DNM2: variants seen among roughly 807,000 people sequenced by gnomAD.
The protein encoded by DNM2 is dynamin 2, also known as dynamin-2.
DNM2 carries 15 observed loss-of-function variants against 99.0 expected under a neutral mutation model. The observed-to-expected ratio is 0.15, with a 90% CI of 0.10 to 0.23. The LOEUF (loss-of-function observed/expected upper bound fraction) is 0.23. Among genes scored for constraint, DNM2 ranks in the 10% least tolerant of loss-of-function variants. The pLI is 1.00. For synonymous variants in DNM2, 525 were observed against 481.2 expected, an observed-to-expected ratio of 1.09 and a Z score of -1.19; for missense variants, 742 against 1,189.4, an observed-to-expected ratio of 0.62 and a Z score of 5.53.
At chr19:10,741,204 A>G (rs994691684) in intron 1 of DNM2, among the ~76,000 whole-genome samples, 1 of 152,092 alleles carries the variant, frequency 6.6e-6, no homozygotes, top group Non-Finnish European at 1.5e-5. Flanking sequence ...AAAGTGGGGT[A>G]TTGAAGTCTC....
chr19:10,814,021 G>A (rs540867006), intron 15 of DNM2, among the ~76,000 whole-genome samples: 2 of 152,218 alleles, frequency 1.3e-5, no homozygotes, highest in South Asian at 4.1e-4. Flanking sequence ...AATTAGCCAG[G>A]TGTGGTGGCG....
rs776361014 is a variant in DNM2, at chr19:10,830,368, G to C, written c.2533G>C (p.Gly845Arg). Residue 845 changes from glycine to arginine, a missense_variant, in exon 20 of 21, where the codon GGA becomes CGA. Gly to Arg is a moderately radical substitution (Grantham distance 125, BLOSUM62 -2). Transcript: ENST00000389253. This position sits in a 1 kb window ranked among gnomAD's most constrained non-coding sequence, Gnocchi z 4.8. ...PVRIPPGIPP[G>R]VPSRRPPAAP... ...TCGGATCCCCCCAGGGATTCCCCCA[G>C]GAGTGCCCAGGTAAGGCCAACCCCC... The C allele has an allele frequency of 6.2e-7, 1 of 1,610,648 alleles. No homozygotes were observed. Among genetic ancestry groups the C allele is most frequent in the Non-Finnish European group, 8.5e-7 (1 of 1,179,622 alleles).
chr19:10,787,071 C>T (rs1028404947), intron 7 of DNM2, among the ~76,000 whole-genome samples: 2 of 152,110 alleles, frequency 1.3e-5, no homozygotes, highest in Non-Finnish European at 2.9e-5. Flanking sequence ...CGGTGGTTCA[C>T]GTCTGTAATC....
At chr19:10,740,462 G>A (rs1396467621) in intron 1 of DNM2, among the ~76,000 whole-genome samples, 2 of 151,276 alleles carry the variant, frequency 1.3e-5, no homozygotes, top group East Asian at 1.9e-4. Context: ...TGCAAGCTCC[G>A]CCTCCCAGGT....
At chr19:10,732,322 G>T (rs531949359) in intron 1 of DNM2, among the ~76,000 whole-genome samples, 1 of 147,786 alleles carries the variant, frequency 6.8e-6, no homozygotes, top group Non-Finnish European at 1.5e-5. Context: ...AAAAAAACAG[G>T]CCGGGCGGTG....
At chr19:10,759,082 C>G (rs1315443745) in intron 1 of DNM2, among the ~76,000 whole-genome samples, 3 of 152,230 alleles carry the variant, frequency 2.0e-5, no homozygotes, top group African/African-American at 7.2e-5. Context: ...GCTGGGATCA[C>G]AGGCGTGGGC....
intron 1 of DNM2, among the ~76,000 whole-genome samples, chr19:10,744,119 C>T (rs561217906): frequency 3.0e-4 from 46 of 151,986 alleles, no homozygotes; most frequent in Middle Eastern, 3.4e-3. Flanking sequence ...GATCCTGCCA[C>T]TACACTTCGG....
intron 1 of DNM2, among the ~76,000 whole-genome samples, chr19:10,741,445 C>A (rs2069743691): frequency 6.6e-6 from 1 of 151,922 alleles, no homozygotes; most frequent in African/African-American, 2.4e-5. Flanking sequence ...ACCAGGCTGG[C>A]CTTGAACTCT....
chr19:10,733,432 A>ATCTGCCTGCCTCAGCC (rs1361873973), intron 1 of DNM2, among the ~76,000 whole-genome samples: 130 of 151,640 alleles, frequency 8.6e-4, no homozygotes, highest in African/African-American at 3.0e-3. Context: ...AGCTCAGGTA[A>ATCTGCCTGCCTCAGCC]TCTGCCTGCC....
rs1454636332 is a variant in DNM2, at chr19:10,729,120, G to A, written c.161+10717G>A. Among the ~76,000 whole-genome samples, 15 of 104,532 alleles carry A rather than the reference G, an allele frequency of 1.4e-4. No individual in the cohort carries two copies. The Admixed American group carries it at 1.5e-3, about 11-fold the overall frequency. The allele number at this position is 104,532 out of a possible 152,430, so 68.6% of individuals were successfully genotyped here. ...GCGGAGCTTGCAGTGAGCCGAGATC[G>A]CACCACTGCACTCCAGCCTGGGCGA... is the stretch of plus-strand genomic sequence containing the variant. On this transcript the variant is annotated intron_variant, in intron 1 of 20. Coordinates refer to ENST00000389253, the MANE Select transcript of DNM2 (RefSeq NM_001005361.3).
intron 16 of DNM2, 81 bp from the exon 17 acceptor site, chr19:10,823,707 C>T: frequency 7.1e-7 from 1 of 1,410,126 alleles, no homozygotes; most frequent in Non-Finnish European, 1.0e-6. Context: ...CAGAAAGACC[C>T]CTAGAGCCCA....
chr19:10,732,383 G>A (rs1321583873), intron 1 of DNM2, among the ~76,000 whole-genome samples: 2 of 148,946 alleles, frequency 1.3e-5, no homozygotes, highest in African/African-American at 2.5e-5. Flanking sequence ...GGCGGATCAC[G>A]AGGTCAGGAG....
At chr19:10,738,194 G>A (rs1312336388) in intron 1 of DNM2, among the ~76,000 whole-genome samples, 1 of 151,954 alleles carries the variant, frequency 6.6e-6, no homozygotes, top group African/African-American at 2.4e-5. Flanking sequence ...GGAGGTGGAG[G>A]TTGCAGTGAG....
At position 10,830,949 on chromosome 19, in the gene DNM2, C is replaced by T. The variant is rs776073515; in HGVS notation, c.2544-29C>T. On this transcript the variant is annotated intron_variant, in intron 20 of 20. Coordinates refer to ENST00000389253, the MANE Select transcript of DNM2 (RefSeq NM_001005361.3). The surrounding 1 kb of genome is among the most constrained non-coding windows in gnomAD (Gnocchi z 4.8). ...CTCCCGGCCTCACTGCCGTCTCCCC[C>T]TCCCCACCTGTCTTTATTCTCTTTG... 1.2e-6 allele frequency: 2 copies of T among 1,603,066 alleles called. No homozygotes were observed. The highest frequency in any genetic ancestry group is 8.5e-7 in the Non-Finnish European group (1 of 1,174,702).
chr19:10,779,142 G>C (rs2071255674), intron 5 of DNM2, among the ~76,000 whole-genome samples: 1 of 151,594 alleles, frequency 6.6e-6, no homozygotes, highest in African/African-American at 2.4e-5. Flanking sequence ...TTGAACCCAG[G>C]AGGTGGAGGT....
chr19:10,752,816 T>G (rs1369492058), intron 1 of DNM2, among the ~76,000 whole-genome samples: 2 of 152,188 alleles, frequency 1.3e-5, no homozygotes, highest in African/African-American at 4.8e-5. Context: ...AAGACCAGCC[T>G]GGACACCATA....
chr19:10,742,523 A>G (rs568251379), intron 1 of DNM2, among the ~76,000 whole-genome samples: 1 of 152,306 alleles, frequency 6.6e-6, no homozygotes, highest in Non-Finnish European at 1.5e-5. Flanking sequence ...GGCAGCCTTC[A>G]TTCAGTTCCT....
chr19:10,760,042 T>TC (rs1219913461), intron 2 of DNM2, among the ~76,000 whole-genome samples: 1 of 151,600 alleles, frequency 6.6e-6, no homozygotes, highest in Non-Finnish European at 1.5e-5. Flanking sequence ...CTTTCTTTTT[T>TC]CTTTTTTTTG....
intron 11 of DNM2, among the ~76,000 whole-genome samples, chr19:10,799,543 T>G (rs925845864): frequency 5.3e-5 from 8 of 150,508 alleles, no homozygotes; most frequent in Admixed American, 2.0e-4. Flanking sequence ...TGTTTTTTTT[T>G]TTTTTTTTGA....
Sources: gnomAD v4.1 joint callset for allele counts (sites outside exome capture counted in the v4.1 genomes callset) on GRCh38, gnomAD v4.1.1 for gene constraint, Gnocchi (gnomAD v3.1) non-coding constraint, MANE v1.5 for transcripts, NCBI Gene and HGNC (gene_info 2026-07-23, HGNC 2026-07-21) for gene names.